The following NRG3 variants were observed in gnomAD, a reference collection of about 807,000 sequenced individuals.
NRG3 encodes neuregulin 3, also known as pro-neuregulin-3, membrane-bound isoform.
NRG3 carries 31 observed loss-of-function variants against 66.9 expected under a neutral mutation model. That is an observed-to-expected ratio of 0.46 (90% CI 0.35 to 0.63). The LOEUF is 0.63. Ranked by LOEUF, NRG3 falls within the 20% of genes least tolerant of loss-of-function variation. The probability of loss-of-function intolerance (pLI) is 0.00; values close to 1 mark genes in which losing one functional copy is unlikely to be tolerated. For synonymous variants in NRG3, 393 were observed against 359.4 expected, an observed-to-expected ratio of 1.09 and a Z score of -1.06; for missense variants, 910 against 878.9, an observed-to-expected ratio of 1.04 and a Z score of -0.45.
At chr10:82,573,562 C>A (rs2045864872) in intron 2 of NRG3, among the ~76,000 whole-genome samples, 1 of 151,766 alleles carries the variant, frequency 6.6e-6, no homozygotes, top group Non-Finnish European at 1.5e-5. Flanking sequence ...TTATTGCATA[C>A]ATCCATTTCC....
At chr10:82,816,562 G>A (rs1289556148) in intron 3 of NRG3, among the ~76,000 whole-genome samples, 1 of 152,218 alleles carries the variant, frequency 6.6e-6, no homozygotes, top group African/African-American at 2.4e-5. Flanking sequence ...CCCAGAAAAA[G>A]CACCATAAGT....
At chr10:82,021,373 G>T (rs1444257455) in intron 1 of NRG3, among the ~76,000 whole-genome samples, 2 of 152,032 alleles carry the variant, frequency 1.3e-5, no homozygotes, top group Non-Finnish European at 2.9e-5. Flanking sequence ...ATACCAGAGG[G>T]CAAGAAAACA....
At chr10:82,749,686 C>A (rs1369928599) in intron 3 of NRG3, among the ~76,000 whole-genome samples, 1 of 151,308 alleles carries the variant, frequency 6.6e-6, no homozygotes, top group Admixed American at 6.6e-5. Flanking sequence ...AATTTTTTTT[C>A]ATGGAAAGCA....
chr10:82,373,011 A>G (rs1178251487), intron 2 of NRG3, among the ~76,000 whole-genome samples: 2 of 152,216 alleles, frequency 1.3e-5, no homozygotes, highest in African/African-American at 2.4e-5. Context: ...ATGAAACTTT[A>G]GGGATACTTA....
chr10:82,211,567 G>A (rs1053397748), intron 1 of NRG3, among the ~76,000 whole-genome samples: 2 of 152,130 alleles, frequency 1.3e-5, no homozygotes, highest in Non-Finnish European at 2.9e-5. Flanking sequence ...AGATAGCCAC[G>A]CCAGTCTCCC....
At chr10:82,692,006 C>T (rs970570124) in intron 2 of NRG3, among the ~76,000 whole-genome samples, 5 of 152,076 alleles carry the variant, frequency 3.3e-5, no homozygotes, top group East Asian at 1.9e-4. Flanking sequence ...AATTGGCAGG[C>T]GCAGTGCCTG....
chr10:82,346,495 A>G (rs1368988648), intron 1 of NRG3, among the ~76,000 whole-genome samples: 4 of 151,206 alleles, frequency 2.6e-5, no homozygotes, highest in African/African-American at 7.3e-5. Context: ...TTTTGCATCA[A>G]TGTTCATCAA....
At chr10:82,655,761 T>G (rs539622309) in intron 2 of NRG3, among the ~76,000 whole-genome samples, 1 of 152,214 alleles carries the variant, frequency 6.6e-6, no homozygotes, top group African/African-American at 2.4e-5. Context: ...AATTATCATG[T>G]GTCCATAAAA....
intron 2 of NRG3, among the ~76,000 whole-genome samples, chr10:82,714,790 T>C (rs2134432312): frequency 6.6e-6 from 1 of 152,354 alleles, no homozygotes; most frequent in African/African-American, 2.4e-5. Flanking sequence ...TATGTTTGAA[T>C]GAATTTTTCC....
At chr10:82,571,433 A>G (rs2045730526) in intron 2 of NRG3, among the ~76,000 whole-genome samples, 3 of 151,720 alleles carry the variant, frequency 2.0e-5, no homozygotes, top group Non-Finnish European at 3.0e-5. Context: ...ATTTATTATT[A>G]TACATCACTA....
intron 4 of NRG3, among the ~76,000 whole-genome samples, chr10:82,882,230 T>C (rs1295003700): frequency 6.6e-6 from 1 of 152,162 alleles, no homozygotes; most frequent in Non-Finnish European, 1.5e-5. Context: ...TGCTAGATTA[T>C]GGTGTCACCA....
chr10:82,629,743 C>T (rs576823106), intron 2 of NRG3, among the ~76,000 whole-genome samples: 19 of 152,096 alleles, frequency 1.2e-4, no homozygotes, highest in Non-Finnish European at 2.6e-4. Flanking sequence ...TTCCTTTCTA[C>T]CATGATTCCA....
At chr10:81,981,176 A>G (rs533734077) in intron 1 of NRG3, among the ~76,000 whole-genome samples, 1 of 152,300 alleles carries the variant, frequency 6.6e-6, no homozygotes, top group Non-Finnish European at 1.5e-5. Context: ...TGTAAATATT[A>G]TCTAAATCAA....
intron 1 of NRG3, among the ~76,000 whole-genome samples, chr10:82,254,071 T>A (rs750958425): frequency 6.6e-6 from 1 of 152,218 alleles, no homozygotes. Flanking sequence ...TGTGAGTCAC[T>A]GCTCCTGTCA....
At chr10:82,818,978 G>A (rs2061834406) in intron 3 of NRG3, among the ~76,000 whole-genome samples, 2 of 151,988 alleles carry the variant, frequency 1.3e-5, no homozygotes, top group African/African-American at 4.8e-5. Context: ...ATAAAAAAGT[G>A]GATTTACTTT....
intron 2 of NRG3, among the ~76,000 whole-genome samples, chr10:82,509,883 A>T (rs1412661373): frequency 6.6e-6 from 1 of 152,110 alleles, no homozygotes; most frequent in Non-Finnish European, 1.5e-5. Context: ...TGTCCCTACC[A>T]TTCTGTACTG....
chr10:82,901,199 A>G (rs1241899901), intron 4 of NRG3, among the ~76,000 whole-genome samples: 1 of 152,162 alleles, frequency 6.6e-6, no homozygotes, highest in Non-Finnish European at 1.5e-5. Context: ...GATCATTTAT[A>G]TTCTCAAAAA....
intron 2 of NRG3, among the ~76,000 whole-genome samples, chr10:82,698,889 A>G (rs989884245): frequency 2.0e-5 from 3 of 152,188 alleles, no homozygotes; most frequent in Non-Finnish European, 2.9e-5. Flanking sequence ...GAGAAGATCT[A>G]TATTTTTTCT....
At chr10:82,156,348 G>T (rs1305238764) in intron 1 of NRG3, among the ~76,000 whole-genome samples, 1 of 151,308 alleles carries the variant, frequency 6.6e-6, no homozygotes. Context: ...TTAACAACTG[G>T]AAGGTATGTC....
Sources: allele counts gnomAD v4.1 joint callset (sites outside exome capture counted in the v4.1 genomes callset), GRCh38; gene constraint gnomAD v4.1.1; transcripts MANE v1.5; gene names NCBI Gene and HGNC (gene_info 2026-07-23, HGNC 2026-07-21).